The following COL4A3 variants were observed in gnomAD, a reference collection of about 807,000 sequenced individuals.
The protein encoded by COL4A3 is collagen type IV alpha 3 chain.
A neutral mutation model predicts 217.4 loss-of-function variants in COL4A3; 135 were observed. The ratio of observed to expected loss-of-function variants is 0.62; its 90% confidence interval spans 0.54 to 0.72. The LOEUF (loss-of-function observed/expected upper bound fraction) is 0.72. Among genes scored for constraint, COL4A3 ranks in the 30% least tolerant of loss-of-function variants. COL4A3 has a pLI of 0.00. For missense variants in COL4A3, 1,868 were observed against 2,119.9 expected, an observed-to-expected ratio of 0.88 and a Z score of 2.33; for synonymous variants, 690 against 736.3, an observed-to-expected ratio of 0.94 and a Z score of 1.02.
intron 1 of COL4A3, among the ~76,000 whole-genome samples, chr2:227,186,785 T>C (rs1031808189): frequency 3.3e-5 from 5 of 151,454 alleles, no homozygotes; most frequent in African/African-American, 9.7e-5. Context: ...GTTGCTCTAC[T>C]AAAACATCAT....
At chr2:227,267,718 G>C (rs1177072809) in intron 23 of COL4A3, among the ~76,000 whole-genome samples, 1 of 151,380 alleles carries the variant, frequency 6.6e-6, no homozygotes, top group African/African-American at 2.4e-5. Flanking sequence ...GAGAAGAAAG[G>C]AATTGGAATT....
chr2:227,281,267 CAG>C (rs1454821281), intron 31 of COL4A3, among the ~76,000 whole-genome samples: 1 of 152,052 alleles, frequency 6.6e-6, no homozygotes. Flanking sequence ...ATGCTGAAGA[CAG>C]AGATTGGTGT....
chr2:227,252,975 T>C (rs746029803), intron 11 of COL4A3, among the ~76,000 whole-genome samples: 14 of 152,190 alleles, frequency 9.2e-5, no homozygotes, highest in Non-Finnish European at 1.6e-4. Context: ...GGAAGTTAAG[T>C]AGCCGGCCAG....
intron 1 of COL4A3, among the ~76,000 whole-genome samples, chr2:227,169,735 GTTGT>G (rs1473121766): frequency 3.4e-4 from 52 of 152,090 alleles, no homozygotes; most frequent in Admixed American, 3.1e-3. Flanking sequence ...TTTTGATGGG[GTTGT>G]TTGTTTTTTT....
At chr2:227,200,989 T>C (rs1429099225) in intron 1 of COL4A3, among the ~76,000 whole-genome samples, 2 of 152,234 alleles carry the variant, frequency 1.3e-5, no homozygotes, top group Non-Finnish European at 2.9e-5. Context: ...GAAGTGTTCT[T>C]CTTAAATTAA....
rs145416141 is a variant in COL4A3 at position 227,273,227 on chromosome 2, G to A, written c.1927+110G>A. The A allele has an allele frequency of 1.7e-4, 203 of 1,172,172 alleles. 1 individual carries two copies. The African/African-American group carries it at 2.6e-3, about 15-fold the overall frequency. The allele number at this position is 1,172,172 out of a possible 1,614,324, so 72.6% of individuals were successfully genotyped here. A position where few individuals can be genotyped will look rare whatever the true frequency, so the allele number is the denominator to read the frequency against. On this transcript the variant is annotated intron_variant, in intron 26 of 51. Coordinates refer to ENST00000396578, the MANE Select transcript of COL4A3 (RefSeq NM_000091.5). ...GAAAATATAGAAACTTGCTTCTAAC[G>A]AATAGAATATGTCAACTCACAGATA... is the stretch of plus-strand genomic sequence containing the variant.
intron 10 of COL4A3, 30 bp downstream of exon 10, chr2:227,251,232 T>C: frequency 6.2e-7 from 1 of 1,601,866 alleles, no homozygotes; most frequent in Non-Finnish European, 8.6e-7. Context: ...TGCTACAGAC[T>C]CTGTCAACTA....
At position 227,312,087 on chromosome 2, in the gene COL4A3, G is replaced by A. The variant is rs1574846484; in HGVS notation, c.*217G>A. ...CTGTGCTGTTTCAAAGTTCTCTGTG[G>A]CAAAGCAGCAACTATTCACAAAATA... On this transcript the variant is annotated 3_prime_UTR_variant, in exon 52 of 52. Transcript: ENST00000396578. 1 of 720,154 alleles carries A rather than the reference G, an allele frequency of 1.4e-6. No individual in the cohort carries two copies. The highest frequency in any genetic ancestry group is 2.2e-6 in the Non-Finnish European group (1 of 455,650). 44.6% of individuals were successfully genotyped at this position (720,154 alleles called of 1,614,324 possible).
intron 1 of COL4A3, among the ~76,000 whole-genome samples, chr2:227,226,694 T>G (rs2068113191): frequency 2.0e-5 from 3 of 152,222 alleles, no homozygotes; most frequent in African/African-American, 7.2e-5. Context: ...GGCCTTGAAC[T>G]CCTGACCTCA....
At chr2:227,180,533 C>A (rs773552587) in intron 1 of COL4A3, among the ~76,000 whole-genome samples, 19 of 152,162 alleles carry the variant, frequency 1.2e-4, no homozygotes, top group Non-Finnish European at 2.4e-4. Context: ...ATCTGAGGCA[C>A]CCTGGGATCT....
At chr2:227,184,607 T>C (rs1424940722) in intron 1 of COL4A3, among the ~76,000 whole-genome samples, 1 of 152,202 alleles carries the variant, frequency 6.6e-6, no homozygotes, top group Non-Finnish European at 1.5e-5. Context: ...TAATATATCC[T>C]TTTACTTTTT....
intron 1 of COL4A3, among the ~76,000 whole-genome samples, chr2:227,192,124 A>G (rs1024972673): frequency 6.6e-6 from 1 of 152,260 alleles, no homozygotes; most frequent in Non-Finnish European, 1.5e-5. Flanking sequence ...GACACAGAGT[A>G]TAAACGGTAA....
chr2:227,213,019 CT>C (rs1336261630), intron 1 of COL4A3, among the ~76,000 whole-genome samples: 1 of 152,206 alleles, frequency 6.6e-6, no homozygotes, highest in East Asian at 1.9e-4. Flanking sequence ...ATAAACAAAC[CT>C]GTTTTGGTCA....
chr2:227,305,084 G>GT lies in COL4A3; in HGVS notation c.4252+2dup. On this transcript the variant is annotated splice_donor_variant, in intron 47 of 51. Transcript: ENST00000396578. LOFTEE classifies it high-confidence loss of function. Reference sequence around the variant, plus strand: ...AACAAAGGTTCTAAAGGAGAGCCAGGTAAACCCCCAGCTTGTTTCCTCACC... The same window carrying GT: ...AACAAAGGTTCTAAAGGAGAGCCAGGTTAAACCCCCAGCTTGTTTCCTCACC... 6.2e-7 allele frequency: 1 copy of GT among 1,613,088 alleles called. No homozygotes were observed. The highest frequency in any genetic ancestry group is 8.5e-7 in the Non-Finnish European group (1 of 1,179,418).
At chr2:227,271,192 T>C (rs548242392) in intron 25 of COL4A3, among the ~76,000 whole-genome samples, 1 of 152,194 alleles carries the variant, frequency 6.6e-6, no homozygotes, top group East Asian at 1.9e-4. Context: ...AATGACCCCA[T>C]CTCATACACA....
intron 34 of COL4A3, among the ~76,000 whole-genome samples, 193 bp from the exon 35 acceptor site, chr2:227,288,957 T>TG (rs1162682126): frequency 2.0e-5 from 3 of 150,408 alleles, no homozygotes; most frequent in Non-Finnish European, 4.4e-5. Context: ...TTGGGTTTTT[T>TG]TTTTTTTTTT....
intron 4 of COL4A3, 39 bp from the exon 5 acceptor site, chr2:227,244,912 T>G (rs753302060): frequency 1.9e-6 from 3 of 1,596,888 alleles, no homozygotes; most frequent in Admixed American, 1.7e-5. Context: ...TTTAAAGTTT[T>G]TTTTTTTTGC....
At chr2:227,183,510 TAA>T (rs2065922244) in intron 1 of COL4A3, among the ~76,000 whole-genome samples, 1 of 152,086 alleles carries the variant, frequency 6.6e-6, no homozygotes, top group South Asian at 2.1e-4. Flanking sequence ...GCATTTGACT[TAA>T]GACTTTAGGT....
chr2:227,172,744 A>C (rs1367624698), intron 1 of COL4A3, among the ~76,000 whole-genome samples: 1 of 150,070 alleles, frequency 6.7e-6, no homozygotes, highest in African/African-American at 2.4e-5. Context: ...AGGCCACCAC[A>C]CCCGGCTAAT....
Sources: allele counts gnomAD v4.1 joint callset (sites outside exome capture counted in the v4.1 genomes callset), GRCh38; gene constraint gnomAD v4.1.1; transcripts MANE v1.5; gene names NCBI Gene and HGNC (gene_info 2026-07-23, HGNC 2026-07-21).